GPC6: variants seen among roughly 807,000 people sequenced by gnomAD.
GPC6 encodes the protein glypican-6.
GPC6 carries 14 observed loss-of-function variants against 55.2 expected under a neutral mutation model. The ratio of observed to expected loss-of-function variants is 0.25; its 90% CI spans 0.17 to 0.40. The LOEUF is 0.40. Ranked by LOEUF, GPC6 falls within the 10% of genes least tolerant of loss-of-function variation. GPC6 has a pLI of 1.00. For missense variants in GPC6, 641 were observed against 708.5 expected (o/e 0.90, Z 1.08); for synonymous variants, 278 against 259.6 (o/e 1.07, Z -0.68).
rs747694368 is a variant in GPC6 at position 94,398,423 on chromosome 13, T to TGTG, written c.1290-41_1290-39dup. 6 of 1,451,816 alleles carry TGTG rather than the reference T, an allele frequency of 4.1e-6. No homozygotes were observed. In the South Asian group the frequency reaches 6.8e-5, roughly 17 times the overall value. 89.9% of individuals were successfully genotyped at this position (1,451,816 alleles called of 1,614,324 possible). On this transcript the variant is annotated intron_variant, in intron 7 of 8. Coordinates refer to ENST00000377047, the MANE Select transcript of GPC6 (RefSeq NM_005708.5). ...TGGCAGCATCTGGTTTTACAGTTTC[T>TGTG]GTGGCATCTCCCTGAGGTGTTCTCT...
At position 94,286,226 on chromosome 13, in the gene GPC6, A is replaced by C; in HGVS notation, c.878-123A>C. The C allele has an allele frequency of 1.7e-5, 16 of 940,110 alleles. No individual in the cohort carries two copies. The South Asian group carries it at 2.3e-4, about 14-fold the overall frequency. The allele number at this position is 940,110 out of a possible 1,614,324, so 58.2% of individuals were successfully genotyped here. ...TCTATTTCATTTTGGACTATATGAA[A>C]GCAAATTTAAAAACGTGAATGCACC... On this transcript the variant is annotated intron_variant, in intron 4 of 8. Coordinates refer to ENST00000377047, the MANE Select transcript of GPC6 (RefSeq NM_005708.5).
At chr13:93,879,236 T>C (rs1443727804) in intron 3 of GPC6, among the ~76,000 whole-genome samples, 3 of 152,270 alleles carry the variant, frequency 2.0e-5, no homozygotes, top group Non-Finnish European at 2.9e-5. Flanking sequence ...TAAATTCTTC[T>C]AAAATTTTTT....
At chr13:93,892,967 T>C (rs549355977) in intron 3 of GPC6, among the ~76,000 whole-genome samples, 10 of 144,268 alleles carry the variant, frequency 6.9e-5, no homozygotes, top group African/African-American at 2.5e-4. Context: ...ATCAAAAATA[T>C]GTGCTGTTAA....
intron 2 of GPC6, among the ~76,000 whole-genome samples, chr13:93,684,943 G>A (rs1881994142): frequency 6.6e-6 from 1 of 152,062 alleles, no homozygotes; most frequent in South Asian, 2.1e-4. Flanking sequence ...GTAAAATGAT[G>A]ACAAAGGCTT....
At chr13:93,219,634 GA>G in the GPC6 span, among the ~76,000 whole-genome samples, 22 of 152,130 alleles carry the variant, frequency 1.4e-4, no homozygotes, top group South Asian at 4.4e-3. Flanking sequence ...AATATTGAAT[GA>G]ATTTAATTAT....
At chr13:93,493,463 CA>C (rs760525436) in intron 1 of GPC6, among the ~76,000 whole-genome samples, 1 of 107,886 alleles carries the variant, frequency 9.3e-6, no homozygotes, top group Non-Finnish European at 2.0e-5. Context: ...TTGATCCTTT[CA>C]AAAAACCAGC....
At chr13:94,173,201 C>G (rs1888631818) in intron 4 of GPC6, among the ~76,000 whole-genome samples, 1 of 152,028 alleles carries the variant, frequency 6.6e-6, no homozygotes, top group Non-Finnish European at 1.5e-5. Context: ...AGAGAGTGAC[C>G]AGGTCTGGCT....
chr13:93,286,444 A>G (rs528928243), intron 1 of GPC6, among the ~76,000 whole-genome samples: 1 of 152,296 alleles, frequency 6.6e-6, no homozygotes, highest in South Asian at 2.1e-4. Flanking sequence ...TTGAGGCAGA[A>G]CAAAGCTCAG....
intron 1 of GPC6, among the ~76,000 whole-genome samples, chr13:93,433,177 A>G (rs1877432980): frequency 1.3e-5 from 2 of 152,154 alleles, no homozygotes; most frequent in Admixed American, 1.3e-4. Context: ...AGCATATTTG[A>G]AATTGTGATG....
At chr13:93,401,828 C>T (rs761001765) in intron 1 of GPC6, among the ~76,000 whole-genome samples, 1 of 150,922 alleles carries the variant, frequency 6.6e-6, no homozygotes, top group East Asian at 2.0e-4. Flanking sequence ...TGGTTAATAT[C>T]CATTAACACG....
chr13:94,373,251 C>T (rs1366579933), intron 6 of GPC6, among the ~76,000 whole-genome samples: 4 of 151,176 alleles, frequency 2.6e-5, no homozygotes, highest in African/African-American at 7.3e-5. Context: ...AGGCTTCAGA[C>T]GATCAAATTA....
At chr13:94,216,300 C>A (rs1030375219) in intron 4 of GPC6, among the ~76,000 whole-genome samples, 4 of 152,152 alleles carry the variant, frequency 2.6e-5, no homozygotes, top group Non-Finnish European at 5.9e-5. Context: ...CAGAAGGAAA[C>A]TGAGGAAGAA....
intron 1 of GPC6, among the ~76,000 whole-genome samples, chr13:93,498,540 C>T (rs9556303): frequency 0.12 from 17,963 of 152,154 alleles, 1,220 homozygotes; most frequent in East Asian, 0.26. Flanking sequence ...TCTTGTGCTA[C>T]TCTCATGATA....
At chr13:93,486,355 A>G (rs1879711807) in intron 1 of GPC6, among the ~76,000 whole-genome samples, 1 of 152,164 alleles carries the variant, frequency 6.6e-6, no homozygotes, top group Non-Finnish European at 1.5e-5. Flanking sequence ...GTCAAGGAAG[A>G]TTTTATTTTT....
At chr13:94,351,797 G>A (rs1212627684) in intron 6 of GPC6, among the ~76,000 whole-genome samples, 1 of 151,634 alleles carries the variant, frequency 6.6e-6, no homozygotes, top group African/African-American at 2.4e-5. Flanking sequence ...TGGATCCTCG[G>A]AGCATATACT....
intron 4 of GPC6, among the ~76,000 whole-genome samples, chr13:94,042,694 T>C (rs1393710358): frequency 2.0e-5 from 3 of 151,910 alleles, no homozygotes; most frequent in Non-Finnish European, 4.4e-5. Context: ...ATCCCATTAT[T>C]GGTGATATGT....
chr13:93,266,619 A>C (rs1263197546), intron 1 of GPC6, among the ~76,000 whole-genome samples: 1 of 152,192 alleles, frequency 6.6e-6, no homozygotes, highest in Non-Finnish European at 1.5e-5. Flanking sequence ...ATAGAAGCTG[A>C]GGGCATTCGG....
At chr13:93,926,312 C>T (rs1165313005) in intron 3 of GPC6, among the ~76,000 whole-genome samples, 1 of 152,090 alleles carries the variant, frequency 6.6e-6, no homozygotes, top group East Asian at 1.9e-4. Context: ...ACATGCTCCA[C>T]ACATAAACCA....
chr13:93,560,588 G>T (rs1875727268), intron 2 of GPC6, among the ~76,000 whole-genome samples: 1 of 151,820 alleles, frequency 6.6e-6, no homozygotes, highest in African/African-American at 2.4e-5. Context: ...GGGAGCGGTG[G>T]CTCATGCCTG....
Sources: allele counts gnomAD v4.1 joint callset (sites outside exome capture counted in the v4.1 genomes callset), GRCh38; gene constraint gnomAD v4.1.1; transcripts MANE v1.5; gene names NCBI Gene and HGNC (gene_info 2026-07-23, HGNC 2026-07-21).